The following STK4 variants were observed in gnomAD, a reference collection of about 807,000 sequenced individuals.
STK4 encodes the protein serine/threonine-protein kinase 4.
A neutral mutation model predicts 64.9 loss-of-function variants in STK4; 30 were observed. The observed-to-expected ratio is 0.46, with a 90% CI of 0.35 to 0.63. The LOEUF is 0.63. STK4 is among the 20% of genes least tolerant of loss of function. The pLI is 0.01. For synonymous variants in STK4, 177 were observed against 199.0 expected (o/e 0.89, Z 0.93); for missense variants, 466 against 598.5 (o/e 0.78, Z 2.31).
chr20:45,065,804 ATTTT>A (rs919131718), intron 10 of STK4, among the ~76,000 whole-genome samples: 10 of 149,390 alleles, frequency 6.7e-5, no homozygotes, highest in Admixed American at 6.0e-4. Context: ...TTATTTATTT[ATTTT>A]TTTTCAGAAA....
chr20:44,990,787 G>C (rs542702157), intron 5 of STK4, among the ~76,000 whole-genome samples: 1 of 152,278 alleles, frequency 6.6e-6, no homozygotes, highest in South Asian at 2.1e-4. Context: ...TGATGGGAGA[G>C]GAAGGTTTAG....
At chr20:45,036,717 G>T (rs535390236) in intron 10 of STK4, among the ~76,000 whole-genome samples, 1 of 152,208 alleles carries the variant, frequency 6.6e-6, no homozygotes, top group African/African-American at 2.4e-5. Flanking sequence ...TGTTGTAATT[G>T]TTCTATTTTA....
rs747895150 is a variant in STK4 at position 44,987,182 on chromosome 20, T to C, written c.411T>C (p.Leu137=). ...ATILQSTLKG[L]EYLHFMRKIH... is the part of the protein sequence containing the mutation. ...TATTACAATCAACTCTTAAGGGACT[T>C]GAATACCTTCATTTTATGAGAAAAA... Residue 137 remains leucine, a synonymous_variant, in exon 5 of 11, where the codon CTT becomes CTC. Coordinates refer to ENST00000372806, the MANE Select transcript of STK4 (RefSeq NM_006282.5). 7 of 1,611,518 alleles carry C rather than the reference T, an allele frequency of 4.3e-6. No homozygotes were observed. The highest frequency in any genetic ancestry group is 2.2e-5 in the East Asian group (1 of 44,772).
At chr20:45,005,640 T>C (rs1359610792) in intron 9 of STK4, among the ~76,000 whole-genome samples, 4 of 124,702 alleles carry the variant, frequency 3.2e-5, no homozygotes, top group East Asian at 2.2e-4. Context: ...AGAGCGAGAC[T>C]CTGTCTCAAA....
chr20:45,073,396 A>G (rs1377662318), intron 10 of STK4, among the ~76,000 whole-genome samples: 1 of 152,104 alleles, frequency 6.6e-6, no homozygotes, highest in African/African-American at 2.4e-5. Flanking sequence ...AGGCCAAGGA[A>G]AATTCCTGTG....
intron 5 of STK4, among the ~76,000 whole-genome samples, chr20:44,988,533 G>GTGTGTGTGTATATATATATATATATATA (rs1221720136): frequency 9.8e-6 from 1 of 101,574 alleles, no homozygotes; most frequent in Admixed American, 1.2e-4. Context: ...ATGTGTGTGT[G>GTGTGTGTGTATATATATATATATATATA]TATATATATA....
At chr20:45,046,446 GAAA>G (rs113468179) in intron 10 of STK4, among the ~76,000 whole-genome samples, 2 of 113,642 alleles carry the variant, frequency 1.8e-5, no homozygotes, top group Non-Finnish European at 1.9e-5. Context: ...AAACTAAAAG[GAAA>G]AAAAAAAAAA....
chr20:45,000,933 T>C (rs976891095), intron 8 of STK4, among the ~76,000 whole-genome samples: 6 of 152,186 alleles, frequency 3.9e-5, no homozygotes, highest in African/African-American at 1.4e-4. Context: ...CACAAAACTC[T>C]ATTAAGAAGA....
chr20:44,966,559 T>C lies in STK4; in HGVS notation c.-10T>C, dbSNP rs1348787433. 4 of 1,265,362 alleles carry C rather than the reference T, an allele frequency of 3.2e-6. No individual in the cohort carries two copies. In the Admixed American group the frequency reaches 1.7e-4, roughly 53 times the overall value. 78.4% of individuals were successfully genotyped at this position (1,265,362 alleles called of 1,614,324 possible). A position where few individuals can be genotyped will look rare whatever the true frequency, so the allele number is the denominator to read the frequency against. Reference sequence around the variant, plus strand: ...GCAGTGAGCGGGTCTGGGCGGCTGCTGGCAGCGCCATGGAGACGGTACAGC... The same window carrying C: ...GCAGTGAGCGGGTCTGGGCGGCTGCCGGCAGCGCCATGGAGACGGTACAGC... On this transcript the variant is annotated 5_prime_UTR_variant, in exon 1 of 11. Transcript: ENST00000372806.
chr20:44,966,603 G>T lies in STK4; in HGVS notation c.35G>T (p.Arg12Leu). Residue 12 changes from arginine (R) to leucine (L), a missense_variant and splice_region_variant, in exon 1 of 11, where the codon CGG becomes CTG. Arg to Leu is a moderately radical substitution (Grantham distance 102). Coordinates refer to ENST00000372806, the MANE Select transcript of STK4 (RefSeq NM_006282.5). ...ETVQLRNPPR[R>L]QLKKLDEDSL... ...GTACAGCTGAGGAACCCGCCGCGCC[G>T]GTGAGGGGCCACTGGCTAAGAGGAC... The T allele has an allele frequency of 7.8e-7, 1 of 1,274,046 alleles. No individual in the cohort carries two copies. Among genetic ancestry groups the T allele is most frequent in the Non-Finnish European group, 1.0e-6 (1 of 1,001,740 alleles). 78.9% of individuals were successfully genotyped at this position (1,274,046 alleles called of 1,614,324 possible).
chr20:44,982,435 A>C (rs1187671035), intron 4 of STK4, among the ~76,000 whole-genome samples: 1 of 151,856 alleles, frequency 6.6e-6, no homozygotes, highest in African/African-American at 2.4e-5. Context: ...CATGCCTGGC[A>C]ATGTGGCAGT....
At chr20:44,996,276 G>C (rs1239466508) in intron 6 of STK4, among the ~76,000 whole-genome samples, 2 of 152,012 alleles carry the variant, frequency 1.3e-5, no homozygotes. Flanking sequence ...CACACCCTAA[G>C]CAGTTCCCAG....
chr20:45,035,477 C>G (rs561498248), intron 10 of STK4, among the ~76,000 whole-genome samples: 1 of 152,130 alleles, frequency 6.6e-6, no homozygotes, highest in South Asian at 2.1e-4. Flanking sequence ...CTTTCAGTAT[C>G]CTTAGCTTTT....
intron 2 of STK4, among the ~76,000 whole-genome samples, chr20:44,973,821 G>A (rs1468032940): frequency 1.3e-5 from 2 of 152,188 alleles, no homozygotes; most frequent in Admixed American, 6.5e-5. Context: ...TTGGGGTAAA[G>A]TATAGTGCTT....
At chr20:44,975,151 T>C (rs761940215) in intron 2 of STK4, 3 of 157,574 alleles carry the variant, frequency 1.9e-5, no homozygotes, top group Non-Finnish European at 4.1e-5. Context: ...TCCATTTTTC[T>C]ACATAGATCC....
At chr20:45,019,412 A>G (rs1385906175) in intron 9 of STK4, among the ~76,000 whole-genome samples, 5 of 152,174 alleles carry the variant, frequency 3.3e-5, no homozygotes, top group Non-Finnish European at 7.3e-5. Flanking sequence ...CACTGTATGG[A>G]TACACTGCAT....
intron 10 of STK4, among the ~76,000 whole-genome samples, chr20:45,055,376 A>G (rs1978377884): frequency 6.6e-6 from 1 of 152,146 alleles, no homozygotes; most frequent in African/African-American, 2.4e-5. Flanking sequence ...GCTTCCCAAG[A>G]CATCTTAATT....
intron 10 of STK4, among the ~76,000 whole-genome samples, chr20:45,043,901 A>G (rs1283236591): frequency 6.6e-6 from 1 of 152,110 alleles, no homozygotes; most frequent in East Asian, 1.9e-4. Context: ...AGTAAATTTC[A>G]CTACCTAAAC....
intron 1 of STK4, among the ~76,000 whole-genome samples, chr20:44,969,135 C>T (rs2067203206): frequency 6.6e-6 from 1 of 152,124 alleles, no homozygotes. Flanking sequence ...TCTTAATTAC[C>T]TCTTTAAAGG....
Sources: allele counts gnomAD v4.1 joint callset (sites outside exome capture counted in the v4.1 genomes callset), GRCh38; gene constraint gnomAD v4.1.1; transcripts MANE v1.5; gene names NCBI Gene and HGNC (gene_info 2026-07-23, HGNC 2026-07-21).